DNAH3: variants seen among roughly 807,000 people sequenced by gnomAD.
DNAH3 encodes the protein dynein axonemal heavy chain 3.
DNAH3 carries 332 observed loss-of-function variants against 432.5 expected under a neutral mutation model. The observed-to-expected ratio is 0.77, with a 90% CI of 0.70 to 0.84. The LOEUF is 0.84. Among genes scored for constraint, DNAH3 ranks in the 40% least tolerant of loss-of-function variants. The pLI, the probability that DNAH3 is intolerant of heterozygous loss-of-function variation, is 0.00. For synonymous variants in DNAH3, 1,956 were observed against 1,900.2 expected, an observed-to-expected ratio of 1.03 and a Z score of -0.76; for missense variants, 4,861 against 5,114.0, an observed-to-expected ratio of 0.95 and a Z score of 1.51.
chr16:21,086,983 T>C (rs372057267), exon 19 of DNAH3: 11 of 1,614,082 alleles, frequency 6.8e-6, no homozygotes, highest in Non-Finnish European at 9.3e-6. Context: ...GACAAGGTCT[T>C]GATCAGTTTA....
intron 7 of DNAH3, among the ~76,000 whole-genome samples, chr16:21,131,469 A>G (rs1028431293): frequency 1.8e-4 from 9 of 49,284 alleles, no homozygotes; most frequent in African/African-American, 7.9e-4. Flanking sequence ...GGAAGGAAGG[A>G]AGGAAGGAAG....
intron 52 of DNAH3, among the ~76,000 whole-genome samples, chr16:20,966,275 G>A (rs1490561732): frequency 6.6e-6 from 1 of 151,488 alleles, no homozygotes; most frequent in Non-Finnish European, 1.5e-5. Context: ...CTGACCTCAG[G>A]TGATCCACCC....
chr16:20,937,176 G>A (rs1048808321), intron 59 of DNAH3, among the ~76,000 whole-genome samples: 3 of 151,616 alleles, frequency 2.0e-5, no homozygotes, highest in African/African-American at 7.3e-5. Context: ...TTTTTTTAGA[G>A]ATGGGGTTTC....
chr16:21,153,553 G>T (rs889219002), intron 1 of DNAH3, among the ~76,000 whole-genome samples: 14 of 152,188 alleles, frequency 9.2e-5, no homozygotes, highest in African/African-American at 2.9e-4. Context: ...GCAGTGGCAA[G>T]CCGCTTGATC....
chr16:21,153,841 G>C (rs1389129320), intron 1 of DNAH3, among the ~76,000 whole-genome samples: 1 of 152,146 alleles, frequency 6.6e-6, no homozygotes, highest in East Asian at 1.9e-4. Flanking sequence ...ATAGAACCAA[G>C]TACTTCCATT....
intron 41 of DNAH3, among the ~76,000 whole-genome samples, chr16:21,012,885 C>T (rs184757384): frequency 1.3e-5 from 2 of 152,232 alleles, no homozygotes; most frequent in Admixed American, 1.3e-4. Flanking sequence ...CCTCAGCCTC[C>T]TGAGTAGGTG....
chr16:21,033,242 T>G (rs987748553), intron 36 of DNAH3, among the ~76,000 whole-genome samples: 4 of 152,158 alleles, frequency 2.6e-5, no homozygotes, highest in African/African-American at 9.7e-5. Flanking sequence ...AAAAAAAATT[T>G]TAAATGAAAA....
chr16:20,944,430 G>C (rs2083951768), intron 58 of DNAH3, 66 bp downstream of exon 58: 1 of 1,579,196 alleles, frequency 6.3e-7, no homozygotes, highest in Non-Finnish European at 8.7e-7. Context: ...CTCCAATCCT[G>C]TGTGCCCACT....
At chr16:20,952,359 A>C (rs1596923067) in intron 56 of DNAH3, 74 bp downstream of exon 56, 2 of 908,730 alleles carry the variant, frequency 2.2e-6, no homozygotes, top group Non-Finnish European at 3.7e-6. Flanking sequence ...AGTGAATGGA[A>C]ATGGGAGGAG....
chr16:20,957,113 C>T (rs1199193306), intron 54 of DNAH3, among the ~76,000 whole-genome samples: 1 of 152,120 alleles, frequency 6.6e-6, no homozygotes, highest in African/African-American at 2.4e-5. Context: ...TGGCCTAATC[C>T]GACTTTGTAA....
chr16:20,944,063 C>T (rs569874249), intron 58 of DNAH3, among the ~76,000 whole-genome samples: 126 of 151,760 alleles, frequency 8.3e-4, no homozygotes, highest in Middle Eastern at 3.4e-3. Context: ...CACTGTTCAG[C>T]TTTCATTTTC....
At chr16:21,047,915 G>C (rs1403083155) in intron 31 of DNAH3, among the ~76,000 whole-genome samples, 1 of 151,646 alleles carries the variant, frequency 6.6e-6, no homozygotes, top group Non-Finnish European at 1.5e-5. Context: ...TCAGCTGCAG[G>C]TCTGTTGGAG....
intron 53 of DNAH3, among the ~76,000 whole-genome samples, chr16:20,960,331 T>G: frequency 6.6e-6 from 1 of 152,154 alleles, no homozygotes. Context: ...GGTGGGGAGC[T>G]GGAACCGAGA....
exon 21 of DNAH3, chr16:21,075,469 C>G: frequency 6.2e-7 from 1 of 1,613,974 alleles, no homozygotes. Flanking sequence ...TTTCACGAAG[C>G]TGAACGTCAC....
At position 21,002,224 on chromosome 16, in the gene DNAH3, C is replaced by T. The variant is rs572929713; in HGVS notation, c.6126+880G>A. Among the ~76,000 whole-genome samples the T allele has an allele frequency of 4.6e-5, 7 of 152,192 alleles. No homozygotes were observed. The South Asian group carries it at 1.5e-3, about 32-fold the overall frequency. On this transcript the variant is annotated intron_variant, in intron 42 of 61. Transcript: ENST00000261383. Reference sequence around the variant, plus strand: ...TCACTTCAGAAAGATAAACTATGCCCACTAGATTCTACTAACAGGGACATA... The same window carrying T: ...TCACTTCAGAAAGATAAACTATGCCTACTAGATTCTACTAACAGGGACATA...
intron 31 of DNAH3, among the ~76,000 whole-genome samples, chr16:21,047,973 C>T (rs1400473705): frequency 6.6e-6 from 1 of 152,036 alleles, no homozygotes; most frequent in Non-Finnish European, 1.5e-5. Context: ...GGGGTGCCTC[C>T]CAGTTAGGCT....
intron 38 of DNAH3, among the ~76,000 whole-genome samples, chr16:21,026,138 A>G (rs1349785540): frequency 6.6e-6 from 1 of 152,144 alleles, no homozygotes. Flanking sequence ...TGCACATGCC[A>G]AAAGTTTTCC....
rs141230473 is a variant in DNAH3, at chr16:20,995,422, C to A, written c.6601+1861G>T. Among the ~76,000 whole-genome samples, 19 of 151,688 alleles carry A rather than the reference C, an allele frequency of 1.3e-4. 1 individual carries two copies. The highest frequency in any genetic ancestry group is 4.6e-4 in the African/African-American group (19 of 41,314). On this transcript the variant is annotated intron_variant, in intron 44 of 61. Coordinates refer to ENST00000261383, the Ensembl canonical transcript of DNAH3. ...CTGGGATAACAGGTGTGCATCATGC[C>A]CGGCTAATTTTTGTATTTTTAGTAG...
exon 45 of DNAH3, chr16:20,987,957 T>A (rs1216160522): frequency 6.2e-7 from 1 of 1,614,024 alleles, no homozygotes; most frequent in East Asian, 2.2e-5. Flanking sequence ...AAACATCACA[T>A]CAAACCCTTT....
Sources: gnomAD v4.1 joint callset for allele counts (sites outside exome capture counted in the v4.1 genomes callset) on GRCh38, gnomAD v4.1.1 for gene constraint, MANE v1.5 for transcripts, NCBI Gene and HGNC (gene_info 2026-07-23, HGNC 2026-07-21) for gene names.